The following EYS variants were observed in gnomAD, a reference collection of about 807,000 sequenced individuals.
EYS encodes the protein EGF-like photoreceptor maintenance factor, also known as protein eyes shut homolog.
A neutral mutation model predicts 282.1 loss-of-function variants in EYS; 250 were observed. The observed-to-expected ratio is 0.89, with a 90% CI of 0.80 to 0.98. The LOEUF (loss-of-function observed/expected upper bound fraction) is 0.98, where lower values mean the gene tolerates loss of function less well. Ranked by LOEUF, EYS falls within the 50% of genes least tolerant of loss-of-function variation. The pLI, the probability that EYS is intolerant of heterozygous loss-of-function variation, is 0.00. For synonymous variants in EYS, 1,355 were observed against 1,282.9 expected (o/e 1.06, Z -1.20); for missense variants, 4,016 against 3,709.0 (o/e 1.08, Z -2.15).
intron 22 of EYS, among the ~76,000 whole-genome samples, chr6:64,789,493 A>G (rs375859207): frequency 2.0e-5 from 3 of 152,310 alleles, no homozygotes; most frequent in Non-Finnish European, 2.9e-5. Context: ...ATACTGGACT[A>G]CCAACCACCA....
chr6:64,756,297 G>A (rs1562173689), intron 22 of EYS, among the ~76,000 whole-genome samples: 1 of 152,134 alleles, frequency 6.6e-6, no homozygotes, highest in Non-Finnish European at 1.5e-5. Flanking sequence ...AACTCCAAAT[G>A]ATTAAAACAT....
intron 12 of EYS, among the ~76,000 whole-genome samples, chr6:65,257,703 G>C (rs1767507006): frequency 6.6e-6 from 1 of 151,928 alleles, no homozygotes. Context: ...GTCAGGTAGT[G>C]TGATACCTCC....
intron 12 of EYS, among the ~76,000 whole-genome samples, chr6:65,222,929 G>A (rs1411320291): frequency 6.6e-6 from 1 of 152,086 alleles, no homozygotes; most frequent in African/African-American, 2.4e-5. Context: ...TAAGGATGAA[G>A]AAGAAGTAAG....
intron 26 of EYS, among the ~76,000 whole-genome samples, chr6:64,460,238 T>C (rs1775698760): frequency 6.6e-6 from 1 of 152,200 alleles, no homozygotes; most frequent in Non-Finnish European, 1.5e-5. Flanking sequence ...ATTAAGTAGT[T>C]ATGTTATATA....
At chr6:64,044,980 G>T (rs1770553186) in intron 33 of EYS, among the ~76,000 whole-genome samples, 1 of 152,094 alleles carries the variant, frequency 6.6e-6, no homozygotes, top group African/African-American at 2.4e-5. Flanking sequence ...ATTGTATATA[G>T]AACATTGAGA....
chr6:65,062,763 C>G (rs1773617082), intron 12 of EYS, among the ~76,000 whole-genome samples: 1 of 151,930 alleles, frequency 6.6e-6, no homozygotes, highest in South Asian at 2.1e-4. Context: ...TCATTCTTAT[C>G]CAGTTTTTGG....
Position 64,617,527 on chromosome 6 carries a change from G to C in EYS, c.3575C>G (p.Ser1192Cys). Residue 1192 changes from serine (S) to cysteine (C), a missense_variant, in exon 24 of 43, where the codon TCT (serine) becomes TGT (cysteine). Transcript: ENST00000503581. ...GYVCKCQPGW[S>C]GHHCENELEC... ...AAGCTCATTCTCACAGTGGTGTCCA[G>C]ACCATCCTGTTCAACAAAATTACAA... 1 of 1,541,644 alleles carries C rather than the reference G, an allele frequency of 6.5e-7. No homozygotes were observed. The highest frequency in any genetic ancestry group is 1.2e-5 in the South Asian group (1 of 83,450).
intron 2 of EYS, among the ~76,000 whole-genome samples, chr6:65,514,799 T>A (rs1249662736): frequency 1.3e-5 from 2 of 152,168 alleles, no homozygotes; most frequent in Non-Finnish European, 2.9e-5. Context: ...TCAAGGTGGA[T>A]TAAAGACTTA....
intron 13 of EYS, among the ~76,000 whole-genome samples, chr6:65,014,259 C>G (rs936619846): frequency 6.6e-6 from 1 of 152,320 alleles, no homozygotes; most frequent in African/African-American, 2.4e-5. Context: ...GATTAGCTCA[C>G]AGTCCTGGCC....
At chr6:65,644,999 C>G (rs1767404233) in intron 1 of EYS, among the ~76,000 whole-genome samples, 1 of 152,036 alleles carries the variant, frequency 6.6e-6, no homozygotes, top group Admixed American at 6.6e-5. Flanking sequence ...CACAATGAAA[C>G]AAACAAGGTA....
intron 12 of EYS, among the ~76,000 whole-genome samples, chr6:65,078,474 TA>T (rs35213964): frequency 3.3e-5 from 5 of 151,806 alleles, no homozygotes; most frequent in African/African-American, 1.2e-4. Context: ...ATTATTCCTT[TA>T]AAAAAAAGTA....
chr6:65,115,196 CTCT>C (rs775485135), intron 12 of EYS, among the ~76,000 whole-genome samples: 2 of 151,938 alleles, frequency 1.3e-5, no homozygotes, highest in Non-Finnish European at 2.9e-5. Flanking sequence ...GGCTGAAAAG[CTCT>C]TATTTTTTAA....
At chr6:65,333,057 A>T (rs183497655) in intron 11 of EYS, among the ~76,000 whole-genome samples, 17 of 151,342 alleles carry the variant, frequency 1.1e-4, no homozygotes, top group African/African-American at 3.6e-4. Flanking sequence ...TTGTTTATCT[A>T]TATTTTATTT....
chr6:64,151,369 T>TC (rs1562226857), intron 31 of EYS, among the ~76,000 whole-genome samples: 3,064 of 117,546 alleles, frequency 0.026, 272 homozygotes, highest in African/African-American at 0.11. Flanking sequence ...ATATAATTTT[T>TC]TTTTTCTTTT....
intron 22 of EYS, among the ~76,000 whole-genome samples, chr6:64,691,161 A>C (rs1770367928): frequency 6.6e-6 from 1 of 152,138 alleles, no homozygotes; most frequent in African/African-American, 2.4e-5. Context: ...CAGTCTAATA[A>C]AGGGCAATGA....
At chr6:64,550,077 T>A (rs1463430241) in intron 26 of EYS, among the ~76,000 whole-genome samples, 1 of 152,234 alleles carries the variant, frequency 6.6e-6, no homozygotes, top group African/African-American at 2.4e-5. Flanking sequence ...CATCCTTTTT[T>A]ATGGCTGCAT....
At chr6:64,458,156 CAAT>C in intron 26 of EYS, among the ~76,000 whole-genome samples, 1 of 151,994 alleles carries the variant, frequency 6.6e-6, no homozygotes, top group African/African-American at 2.4e-5. Flanking sequence ...ATTATTGCAC[CAAT>C]TATTTTTGAT....
At chr6:64,500,506 A>T (rs981760169) in intron 26 of EYS, among the ~76,000 whole-genome samples, 7 of 152,034 alleles carry the variant, frequency 4.6e-5, no homozygotes, top group Non-Finnish European at 1.0e-4. Context: ...ACACATTCAA[A>T]CAATGTGCAT....
At chr6:64,369,386 C>G (rs1048450288) in intron 29 of EYS, among the ~76,000 whole-genome samples, 1 of 152,100 alleles carries the variant, frequency 6.6e-6, no homozygotes, top group Non-Finnish European at 1.5e-5. Context: ...ATTGCCTTGG[C>G]TATTCAGGCT....
Sources: gnomAD v4.1 joint callset for allele counts (sites outside exome capture counted in the v4.1 genomes callset) on GRCh38, gnomAD v4.1.1 for gene constraint, MANE v1.5 for transcripts, NCBI Gene and HGNC (gene_info 2026-07-23, HGNC 2026-07-21) for gene names.